UCHL3: variants seen among roughly 807,000 people sequenced by gnomAD.
UCHL3 encodes the protein ubiquitin C-terminal hydrolase L3, also known as ubiquitin carboxyl-terminal hydrolase isozyme L3.
Under a neutral mutation model 35.8 loss-of-function variants are expected in UCHL3, and 22 were observed. The ratio of observed to expected loss-of-function variants is 0.61; its 90% CI spans 0.44 to 0.88. UCHL3 has a LOEUF of 0.88. UCHL3 is among the 40% of genes least tolerant of loss of function. The pLI is 0.00. For synonymous variants in UCHL3, 90 were observed against 92.8 expected, an observed-to-expected ratio of 0.97 and a Z score of 0.17; for missense variants, 229 against 276.9, an observed-to-expected ratio of 0.83 and a Z score of 1.23.
intron 7 of UCHL3, among the ~76,000 whole-genome samples, chr13:75,597,606 T>C (rs1036784208): frequency 2.0e-5 from 3 of 152,190 alleles, no homozygotes; most frequent in Non-Finnish European, 2.9e-5. Flanking sequence ...TGATTTAAAG[T>C]ATTTGGAATT....
chr13:75,583,845 G>T (rs2032252109), intron 6 of UCHL3, among the ~76,000 whole-genome samples: 1 of 152,160 alleles, frequency 6.6e-6, no homozygotes, highest in African/African-American at 2.4e-5. Context: ...TTAACAAATT[G>T]CTTAAGGTCA....
intron 6 of UCHL3, among the ~76,000 whole-genome samples, chr13:75,584,455 G>A (rs2032268990): frequency 6.6e-6 from 1 of 152,116 alleles, no homozygotes; most frequent in African/African-American, 2.4e-5. Flanking sequence ...TATTCTCAAG[G>A]TAATCATAGC....
rs527667031 is a variant in UCHL3, at chr13:75,597,925, T to G, written c.550+2935T>G. On this transcript the variant is annotated intron_variant, in intron 7 of 8. Transcript: ENST00000377595. ...AGTTATTTCTCTTTTGTTATCACCC[T>G]CCCTTTTCCTTGGGGCCTCATATAG... Among the ~76,000 whole-genome samples, 5 of 152,272 alleles carry G rather than the reference T, an allele frequency of 3.3e-5. No individual in the cohort carries two copies. The South Asian group carries it at 8.3e-4, about 25-fold the overall frequency.
chr13:75,597,848 G>A (rs539004777), intron 7 of UCHL3, among the ~76,000 whole-genome samples: 20 of 152,140 alleles, frequency 1.3e-4, no homozygotes, highest in Non-Finnish European at 2.8e-4. Context: ...AGTCTTTAAT[G>A]TATTAATTCC....
intron 6 of UCHL3, among the ~76,000 whole-genome samples, chr13:75,583,658 A>G (rs1484768870): frequency 6.6e-6 from 1 of 152,142 alleles, no homozygotes; most frequent in African/African-American, 2.4e-5. Flanking sequence ...TTGTGTGCAC[A>G]TTTTCACTAA....
chr13:75,575,747 ACTTT>A (rs1041564292), intron 6 of UCHL3, among the ~76,000 whole-genome samples: 6 of 151,936 alleles, frequency 3.9e-5, no homozygotes, highest in East Asian at 3.9e-4. Context: ...TCAAACAAAC[ACTTT>A]CTTTCTTTTT....
At chr13:75,581,394 G>A (rs557724686) in intron 6 of UCHL3, among the ~76,000 whole-genome samples, 30 of 150,890 alleles carry the variant, frequency 2.0e-4, no homozygotes, top group African/African-American at 7.1e-4. Flanking sequence ...CTGTTGCTCA[G>A]GCGGCAGTGC....
intron 6 of UCHL3, 22 bp from the exon 7 acceptor site, chr13:75,594,893 C>T (rs2032604212): frequency 6.3e-7 from 1 of 1,582,840 alleles, no homozygotes; most frequent in Non-Finnish European, 8.6e-7. Flanking sequence ...TATATAATAC[C>T]TATTTTTCCC....
chr13:75,569,415 G>A (rs766778251), intron 5 of UCHL3, 45 bp from the exon 6 acceptor site: 1 of 1,500,888 alleles, frequency 6.7e-7, no homozygotes, highest in Non-Finnish European at 9.0e-7. Context: ...TTAAAAAGTT[G>A]AGTATAGGCA....
intron 3 of UCHL3, among the ~76,000 whole-genome samples, chr13:75,561,827 G>GTATACGTATACA (rs1566211557): frequency 8.6e-5 from 8 of 93,324 alleles, no homozygotes; most frequent in African/African-American, 2.4e-4. Context: ...ACGTATATAC[G>GTATACGTATACA]TACGTATATA....
chr13:75,562,929 G>C (rs2031562904), intron 3 of UCHL3, among the ~76,000 whole-genome samples: 1 of 152,042 alleles, frequency 6.6e-6, no homozygotes. Flanking sequence ...ACTACTTTTA[G>C]ATGTCTTACA....
intron 2 of UCHL3, 61 bp from the exon 3 acceptor site, chr13:75,560,692 A>G (rs2031461727): frequency 1.4e-6 from 2 of 1,451,010 alleles, no homozygotes; most frequent in Middle Eastern, 2.0e-4. Flanking sequence ...TGTATAGTAT[A>G]CTAGTTTTCT....
At chr13:75,594,855 A>G in intron 6 of UCHL3, 60 bp from the exon 7 acceptor site, 1 of 1,227,250 alleles carries the variant, frequency 8.1e-7, no homozygotes, top group South Asian at 1.3e-5. Context: ...GTTTATGTAT[A>G]CATGACTGAT....
At chr13:75,592,468 G>GTATATATGTATATATATAT (rs1201744829) in intron 6 of UCHL3, among the ~76,000 whole-genome samples, 3 of 23,320 alleles carry the variant, frequency 1.3e-4, no homozygotes, top group Non-Finnish European at 2.4e-4. Flanking sequence ...ATATATATAT[G>GTATATATGTATATATATAT]AAGGAAAAAA....
intron 6 of UCHL3, among the ~76,000 whole-genome samples, chr13:75,589,660 A>G (rs974373): frequency 0.78 from 118,034 of 152,078 alleles, 46,489 homozygotes; most frequent in Middle Eastern, 0.88. Context: ...TGGCTTTTAC[A>G]TATTAATTTC....
At chr13:75,585,454 T>G (rs1271488295) in intron 6 of UCHL3, among the ~76,000 whole-genome samples, 2 of 152,030 alleles carry the variant, frequency 1.3e-5, no homozygotes, top group Admixed American at 6.6e-5. Flanking sequence ...AAATAAAAAC[T>G]TTGAGACAGA....
intron 2 of UCHL3, among the ~76,000 whole-genome samples, chr13:75,554,749 CT>C (rs143550807): frequency 2.6e-5 from 4 of 152,052 alleles, no homozygotes; most frequent in African/African-American, 7.2e-5. Context: ...ATACTTGAAA[CT>C]TTTTTGTTTT....
intron 6 of UCHL3, among the ~76,000 whole-genome samples, chr13:75,589,095 G>A (rs963221280): frequency 3.9e-5 from 6 of 151,974 alleles, no homozygotes; most frequent in African/African-American, 1.4e-4. Flanking sequence ...ATTTTTCTTG[G>A]TCACTTTGGG....
In UCHL3 at chr13:75,597,371, TAAAAAAAAA is replaced by T. The variant is rs71826804; in HGVS notation, c.550+2383_550+2391del. Among the ~76,000 whole-genome samples, 5 of 148,752 alleles carry T rather than the reference TAAAAAAAAA, an allele frequency of 3.4e-5. No individual in the cohort carries two copies. In the South Asian group the frequency reaches 1.1e-3, roughly 32 times the overall value. Reference sequence around the variant, plus strand: ...GGTGACATGGCAAGACGTCATCTCTTAAAAAAAAAAGAAAAGAAGACACTATATAACTTT... The same window carrying T: ...GGTGACATGGCAAGACGTCATCTCTTAGAAAAGAAGACACTATATAACTTT... On this transcript the variant is annotated intron_variant, in intron 7 of 8. Coordinates refer to ENST00000377595, the MANE Select transcript of UCHL3 (RefSeq NM_006002.5).
Sources: gnomAD v4.1 joint callset for allele counts (sites outside exome capture counted in the v4.1 genomes callset) on GRCh38, gnomAD v4.1.1 for gene constraint, MANE v1.5 for transcripts, NCBI Gene and HGNC (gene_info 2026-07-23, HGNC 2026-07-21) for gene names.